The following SOX13 variants were observed in gnomAD, a reference collection of about 807,000 sequenced individuals.
SOX13 encodes the protein transcription factor SOX-13.
SOX13 carries 28 observed loss-of-function variants against 71.8 expected under a neutral mutation model. The ratio of observed to expected loss-of-function variants is 0.39; its 90% CI spans 0.29 to 0.53. The LOEUF is 0.53. Ranked by LOEUF, SOX13 falls within the 20% of genes least tolerant of loss-of-function variation. SOX13 has a pLI of 0.70. For synonymous variants in SOX13, 309 were observed against 317.8 expected, an observed-to-expected ratio of 0.97 and a Z score of 0.29; for missense variants, 627 against 810.3, an observed-to-expected ratio of 0.77 and a Z score of 2.75.
chr1:204,125,302 C>T (rs981851928), intron 13 of SOX13, among the ~76,000 whole-genome samples: 5 of 152,304 alleles, frequency 3.3e-5, no homozygotes, highest in East Asian at 1.9e-4. Flanking sequence ...TAGTGACACA[C>T]GCCTGTAATG....
chr1:204,116,759 A>C, intron 5 of SOX13, 80 bp downstream of exon 5: 1 of 1,565,944 alleles, frequency 6.4e-7, no homozygotes, highest in Non-Finnish European at 8.6e-7. Context: ...CCTTAGGGAC[A>C]GGCCTCACCA....
chr1:204,095,201 C>T (rs1656226955), intron 1 of SOX13, among the ~76,000 whole-genome samples: 1 of 152,184 alleles, frequency 6.6e-6, no homozygotes, highest in Admixed American at 6.5e-5. Context: ...TGCCTTGAAA[C>T]CGCCAACTCT....
Position 204,126,430 on chromosome 1 carries a change from T to C in SOX13, c.*296T>C. Reference sequence around the variant, plus strand: ...CTGTATGACTCTCCTCTCCTGCAGGTGTCTATCCACCTGGGGTATGGCATC... The same window carrying C: ...CTGTATGACTCTCCTCTCCTGCAGGCGTCTATCCACCTGGGGTATGGCATC... On this transcript the variant is annotated 3_prime_UTR_variant, in exon 14 of 14. Coordinates refer to ENST00000367204, the MANE Select transcript of SOX13 (RefSeq NM_005686.3). 2.4e-6 allele frequency: 1 copy of C among 423,804 alleles called. No individual in the cohort carries two copies. The highest frequency in any genetic ancestry group is 3.2e-5 in the South Asian group (1 of 30,886). The allele number at this position is 423,804 out of a possible 1,614,324, so 26.3% of individuals were successfully genotyped here.
In SOX13 at chr1:204,105,258, A is replaced by G. The variant is rs115301009; in HGVS notation, c.-1-7657A>G. Among the ~76,000 whole-genome samples, 342 of 152,266 alleles carry G rather than the reference A, an allele frequency of 2.2e-3. 1 individual carries two copies. The highest frequency in any genetic ancestry group is 7.9e-3 in the African/African-American group (329 of 41,532). On this transcript the variant is annotated intron_variant, in intron 1 of 13. Coordinates refer to ENST00000367204, the MANE Select transcript of SOX13 (RefSeq NM_005686.3). ...TGGAGCCCTCTCCTTAGAGGTCTTC[A>G]CTTCTTAAGGATGCTCACTTGGGTG... is the stretch of plus-strand genomic sequence containing the variant.
intron 1 of SOX13, among the ~76,000 whole-genome samples, chr1:204,086,084 C>T (rs1234681480): frequency 6.6e-6 from 1 of 152,142 alleles, no homozygotes; most frequent in Non-Finnish European, 1.5e-5. Context: ...GTCCTAAGTA[C>T]ATGTTTGTGA....
intron 1 of SOX13, among the ~76,000 whole-genome samples, chr1:204,109,455 T>C (rs1471996364): frequency 6.6e-6 from 1 of 152,244 alleles, no homozygotes; most frequent in Non-Finnish European, 1.5e-5. Flanking sequence ...ACTTAACCAT[T>C]GCATTACAAT....
chr1:204,081,560 A>G lies in SOX13; in HGVS notation c.-2+7849A>G, dbSNP rs1008017619. Among the ~76,000 whole-genome samples, 2 of 152,110 alleles carry G rather than the reference A, an allele frequency of 1.3e-5. No individual in the cohort carries two copies. Among genetic ancestry groups the G allele is most frequent in the African/African-American group, 4.8e-5 (2 of 41,460 alleles). On this transcript the variant is annotated intron_variant, in intron 1 of 13. Transcript: ENST00000367204. The surrounding 1 kb of genome is among the most constrained non-coding windows in gnomAD (Gnocchi z 4.3). ...GGGGTTGGGGGGTTGCCTGGGACTC[A>G]TGGGGCCTCCTGCTTTGGCCCTGGC...
Position 204,123,282 on chromosome 1 carries a change from G to A in SOX13, c.1231+74G>A. On this transcript the variant is annotated intron_variant, in intron 11 of 13. Coordinates refer to ENST00000367204, the MANE Select transcript of SOX13 (RefSeq NM_005686.3). This position sits in a 1 kb window ranked among gnomAD's most constrained non-coding sequence, Gnocchi z 5.0. The stretch of plus-strand genomic sequence containing the variant: ...TTCCACCAGGGCCAGGGCTGTGTCT[G>A]CCTCTGATCTCTTCCCTCCCTTGGT... 1 of 1,209,920 alleles carries A rather than the reference G, an allele frequency of 8.3e-7. No individual in the cohort carries two copies. Among genetic ancestry groups the A allele is most frequent in the South Asian group, 1.2e-5 (1 of 82,352 alleles). The allele number at this position is 1,209,920 out of a possible 1,614,324, so 74.9% of individuals were successfully genotyped here.
At chr1:204,115,877 GCTGGT>G (rs1314647591) in intron 4 of SOX13, among the ~76,000 whole-genome samples, 4 of 151,686 alleles carry the variant, frequency 2.6e-5, no homozygotes, top group South Asian at 2.1e-4. Context: ...TGTTGTTCAG[GCTGGT>G]CTCGAACTCC....
intron 4 of SOX13, among the ~76,000 whole-genome samples, chr1:204,115,392 C>G (rs1288887822): frequency 1.3e-5 from 2 of 151,094 alleles, no homozygotes; most frequent in African/African-American, 4.9e-5. Flanking sequence ...GCTCCACCCC[C>G]ACCTATTGAA....
chr1:204,087,619 C>T (rs1656052674), intron 1 of SOX13, among the ~76,000 whole-genome samples: 1 of 152,236 alleles, frequency 6.6e-6, no homozygotes, highest in Non-Finnish European at 1.5e-5. Context: ...CACTTGGAGC[C>T]TTACTTCCTC....
At chr1:204,105,655 C>T (rs1431620621) in intron 1 of SOX13, among the ~76,000 whole-genome samples, 4 of 152,148 alleles carry the variant, frequency 2.6e-5, no homozygotes, top group Non-Finnish European at 5.9e-5. Context: ...ATCAACCCGC[C>T]TCAGCCTCCC....
At chr1:204,117,950 T>C (rs1359618116) in intron 7 of SOX13, 2 of 527,852 alleles carry the variant, frequency 3.8e-6, no homozygotes, top group Non-Finnish European at 6.8e-6. Flanking sequence ...AATCCAGGTC[T>C]AGTCTCTCCA....
At chr1:204,109,212 C>A (rs1656529333) in intron 1 of SOX13, among the ~76,000 whole-genome samples, 1 of 152,194 alleles carries the variant, frequency 6.6e-6, no homozygotes, top group Admixed American at 6.5e-5. Flanking sequence ...CTCTGCAGTG[C>A]CCTGTCTTGG....
chr1:204,086,651 T>G (rs1196043174), intron 1 of SOX13, among the ~76,000 whole-genome samples: 1 of 152,166 alleles, frequency 6.6e-6, no homozygotes, highest in Non-Finnish European at 1.5e-5. Flanking sequence ...CATCATGGGG[T>G]GTTAGAGTCA....
intron 1 of SOX13, among the ~76,000 whole-genome samples, chr1:204,091,853 A>T (rs898105571): frequency 2.0e-5 from 3 of 152,104 alleles, no homozygotes; most frequent in African/African-American, 7.2e-5. Flanking sequence ...AAGTGCTGGG[A>T]TCATAGGCGT....
intron 1 of SOX13, among the ~76,000 whole-genome samples, chr1:204,093,022 T>C (rs1656178307): frequency 6.6e-6 from 1 of 152,144 alleles, no homozygotes; most frequent in Non-Finnish European, 1.5e-5. Context: ...GTTGGCTATT[T>C]GTTGCTGTGA....
At chr1:204,108,712 C>T (rs541411426) in intron 1 of SOX13, among the ~76,000 whole-genome samples, 2 of 152,186 alleles carry the variant, frequency 1.3e-5, no homozygotes, top group South Asian at 2.1e-4. Context: ...GGCGCTGAGC[C>T]GACGGATCAG....
At chr1:204,082,191 G>A (rs912102102) in intron 1 of SOX13, among the ~76,000 whole-genome samples, 2 of 151,416 alleles carry the variant, frequency 1.3e-5, no homozygotes, top group Admixed American at 6.6e-5. Flanking sequence ...AGGGCTGAGC[G>A]TGATGTGTGT....
Sources: allele counts gnomAD v4.1 joint callset (sites outside exome capture counted in the v4.1 genomes callset), GRCh38; gene constraint gnomAD v4.1.1; non-coding constraint Gnocchi (gnomAD v3.1); transcripts MANE v1.5; gene names NCBI Gene and HGNC (gene_info 2026-07-23, HGNC 2026-07-21).